CNTNAP2: variants seen among roughly 807,000 people sequenced by gnomAD.
CNTNAP2 encodes contactin associated protein 2, also known as contactin-associated protein-like 2.
A neutral mutation model predicts 155.2 loss-of-function variants in CNTNAP2; 98 were observed. The observed-to-expected ratio is 0.63, with a 90% CI of 0.54 to 0.75. The LOEUF (loss-of-function observed/expected upper bound fraction) is 0.75. Ranked by LOEUF, CNTNAP2 falls within the 30% of genes least tolerant of loss-of-function variation. The pLI, the probability that CNTNAP2 is intolerant of heterozygous loss-of-function variation, is 0.00. For synonymous variants in CNTNAP2, 651 were observed against 631.2 expected, an observed-to-expected ratio of 1.03 and a Z score of -0.47; for missense variants, 1,727 against 1,688.1, an observed-to-expected ratio of 1.02 and a Z score of -0.40.
chr7:147,251,597 T>C (rs750771158), intron 8 of CNTNAP2, among the ~76,000 whole-genome samples: 7 of 152,082 alleles, frequency 4.6e-5, no homozygotes, highest in Non-Finnish European at 7.4e-5. Flanking sequence ...GCTTTGATGA[T>C]TGAAATAGCA....
chr7:146,826,806 CAAAT>C (rs935703003), intron 2 of CNTNAP2, among the ~76,000 whole-genome samples: 1 of 141,260 alleles, frequency 7.1e-6, no homozygotes, highest in Non-Finnish European at 1.5e-5. Context: ...TGTAAACAAT[CAAAT>C]AATTTTTAAG....
chr7:147,289,353 C>T (rs1805250793), intron 8 of CNTNAP2, among the ~76,000 whole-genome samples: 1 of 151,656 alleles, frequency 6.6e-6, no homozygotes, highest in South Asian at 2.1e-4. Flanking sequence ...CAATAGCTTC[C>T]TATTCATGAC....
intron 13 of CNTNAP2, chr7:147,672,247 A>G (rs1468156183): frequency 2.6e-5 from 4 of 152,194 alleles, no homozygotes; most frequent in Admixed American, 6.5e-5. Context: ...AATTACCACA[A>G]ATGATCTACT....
At chr7:147,808,015 A>T (rs566648264) in intron 13 of CNTNAP2, among the ~76,000 whole-genome samples, 14 of 151,558 alleles carry the variant, frequency 9.2e-5, no homozygotes, top group South Asian at 2.1e-4. Flanking sequence ...GTAGTTTGAG[A>T]CTTCTGTGAT....
intron 12 of CNTNAP2, among the ~76,000 whole-genome samples, chr7:147,594,647 A>G (rs1284027649): frequency 6.6e-6 from 1 of 152,112 alleles, no homozygotes; most frequent in Non-Finnish European, 1.5e-5. Flanking sequence ...TTGGATATTC[A>G]CTACAACTGA....
intron 13 of CNTNAP2, among the ~76,000 whole-genome samples, chr7:147,848,898 A>G (rs999650201): frequency 2.6e-5 from 4 of 152,048 alleles, no homozygotes; most frequent in African/African-American, 9.7e-5. Context: ...AGGAATTTTA[A>G]TTTTGTTTTT....
chr7:148,374,137 C>T (rs1276700882), intron 21 of CNTNAP2, among the ~76,000 whole-genome samples: 1 of 152,166 alleles, frequency 6.6e-6, no homozygotes, highest in Admixed American at 6.6e-5. Flanking sequence ...CGCTTTCAAT[C>T]CCTACCTCAG....
At chr7:148,129,797 C>T (rs1359106975) in intron 16 of CNTNAP2, among the ~76,000 whole-genome samples, 2 of 152,300 alleles carry the variant, frequency 1.3e-5, no homozygotes, top group African/African-American at 2.4e-5. Context: ...GCAAACCTGC[C>T]GGAGACCATC....
intron 1 of CNTNAP2, among the ~76,000 whole-genome samples, chr7:146,140,098 T>C (rs71530723): frequency 0.11 from 16,487 of 152,188 alleles, 1,180 homozygotes; most frequent in Non-Finnish European, 0.16. Flanking sequence ...TTTGCTTGAC[T>C]GGCTTCTTTG....
At chr7:147,171,141 A>G (rs913323905) in intron 8 of CNTNAP2, among the ~76,000 whole-genome samples, 1 of 152,130 alleles carries the variant, frequency 6.6e-6, no homozygotes, top group African/African-American at 2.4e-5. Context: ...AGAAGTCTGC[A>G]TGAGCGTGGG....
At chr7:147,471,340 A>G (rs752413618) in intron 10 of CNTNAP2, among the ~76,000 whole-genome samples, 1 of 152,232 alleles carries the variant, frequency 6.6e-6, no homozygotes, top group Non-Finnish European at 1.5e-5. Context: ...GGAAAACTCT[A>G]CAAGACAACA....
At chr7:148,254,775 C>CAAAAAA (rs55711921) in intron 20 of CNTNAP2, among the ~76,000 whole-genome samples, 2 of 120,354 alleles carry the variant, frequency 1.7e-5, no homozygotes, top group Non-Finnish European at 3.4e-5. Flanking sequence ...GACTCCATCT[C>CAAAAAA]AAAAAAAAAA....
chr7:147,837,303 T>C (rs1584982411), intron 13 of CNTNAP2, among the ~76,000 whole-genome samples: 1 of 152,244 alleles, frequency 6.6e-6, no homozygotes, highest in East Asian at 1.9e-4. Context: ...TATAAAACCA[T>C]CAAGATTCAT....
In CNTNAP2 at chr7:147,207,984, A is replaced by G. The variant is rs112749180; in HGVS notation, c.1348+75475A>G. 5.6e-3 allele frequency among the ~76,000 whole-genome samples: 849 copies of G among 152,282 alleles called. 9 individuals are homozygous for G. The highest frequency in any genetic ancestry group is 0.019 in the African/African-American group (791 of 41,566). ...CATCTTTGTACTTACGAAATTATCAAGATGTAATTATCAAGATGGACACTA... is the reference window on the plus strand; with the variant it reads ...CATCTTTGTACTTACGAAATTATCAGGATGTAATTATCAAGATGGACACTA... On this transcript the variant is annotated intron_variant, in intron 8 of 23. Transcript: ENST00000361727.
chr7:147,481,783 C>A (rs371613894), intron 10 of CNTNAP2, among the ~76,000 whole-genome samples: 1 of 152,104 alleles, frequency 6.6e-6, no homozygotes, highest in Non-Finnish European at 1.5e-5. Flanking sequence ...TTCCTGATCC[C>A]GGTCAAGTCA....
intron 1 of CNTNAP2, among the ~76,000 whole-genome samples, chr7:146,211,908 T>G (rs10230226): frequency 0.29 from 44,343 of 151,898 alleles, 7,346 homozygotes; most frequent in African/African-American, 0.45. Context: ...TATTAAAATT[T>G]CTTATCACAG....
chr7:147,815,491 T>C (rs774894346), intron 13 of CNTNAP2, among the ~76,000 whole-genome samples: 1 of 152,116 alleles, frequency 6.6e-6, no homozygotes, highest in Non-Finnish European at 1.5e-5. Flanking sequence ...ATGGAATCCT[T>C]CTCAAGCTTG....
At chr7:147,950,072 A>C (rs942306088) in intron 14 of CNTNAP2, among the ~76,000 whole-genome samples, 1 of 152,096 alleles carries the variant, frequency 6.6e-6, no homozygotes, top group East Asian at 1.9e-4. Context: ...CATTGCAATG[A>C]GTTGGTTCTG....
chr7:148,020,538 T>A (rs1308248884), intron 15 of CNTNAP2, among the ~76,000 whole-genome samples: 1 of 152,248 alleles, frequency 6.6e-6, no homozygotes, highest in Non-Finnish European at 1.5e-5. Context: ...TTCGTATTAA[T>A]TTTGGTCAAG....
Sources: gnomAD v4.1 joint callset for allele counts (sites outside exome capture counted in the v4.1 genomes callset) on GRCh38, gnomAD v4.1.1 for gene constraint, MANE v1.5 for transcripts, NCBI Gene and HGNC (gene_info 2026-07-23, HGNC 2026-07-21) for gene names.